Variants in AMBRA1 observed in about 807,000 individuals in gnomAD.
AMBRA1 encodes activating molecule in BECN1-regulated autophagy protein 1.
A neutral mutation model predicts 125.4 loss-of-function variants in AMBRA1; 47 were observed. That is an observed-to-expected ratio of 0.37 (90% CI 0.30 to 0.48). The LOEUF (loss-of-function observed/expected upper bound fraction) is 0.48. Ranked by LOEUF, AMBRA1 falls within the 20% of genes least tolerant of loss-of-function variation. The pLI, the probability that AMBRA1 is intolerant of heterozygous loss-of-function variation, is 0.99. For synonymous variants in AMBRA1, 626 were observed against 655.5 expected (o/e 0.95, Z 0.69); for missense variants, 1,331 against 1,693.4 (o/e 0.79, Z 3.76).
At chr11:46,545,475 G>A (rs560485027) in intron 5 of AMBRA1, 129 bp downstream of exon 5, 21 of 1,086,320 alleles carry the variant, frequency 1.9e-5, no homozygotes, top group African/African-American at 6.4e-5. Context: ...AAAAAAATAG[G>A]AGGAGCTATG....
At chr11:46,431,978 C>T (rs1180244992) in intron 14 of AMBRA1, among the ~76,000 whole-genome samples, 1 of 151,968 alleles carries the variant, frequency 6.6e-6, no homozygotes, top group Non-Finnish European at 1.5e-5. Context: ...GTTATGTTAC[C>T]CATCATTGGT....
chr11:46,517,595 G>A (rs1454162555), intron 7 of AMBRA1, among the ~76,000 whole-genome samples: 1 of 148,074 alleles, frequency 6.8e-6, no homozygotes, highest in Non-Finnish European at 1.5e-5. Flanking sequence ...AGCACTTTGG[G>A]AGGCTGAGGC....
chr11:46,477,298 T>A (rs572432643), intron 11 of AMBRA1, among the ~76,000 whole-genome samples: 1 of 150,830 alleles, frequency 6.6e-6, no homozygotes, highest in Admixed American at 6.6e-5. Flanking sequence ...TTAGGGAGAG[T>A]CTTTGTCTCT....
intron 8 of AMBRA1, among the ~76,000 whole-genome samples, chr11:46,512,087 C>T (rs1951280341): frequency 6.6e-6 from 1 of 152,164 alleles, no homozygotes; most frequent in African/African-American, 2.4e-5. Flanking sequence ...AACTCCTGAC[C>T]TCAAGTGATT....
intron 7 of AMBRA1, among the ~76,000 whole-genome samples, chr11:46,528,674 C>T (rs991229985): frequency 1.3e-5 from 2 of 152,086 alleles, no homozygotes; most frequent in Non-Finnish European, 2.9e-5. Context: ...GTTTCAGTCA[C>T]GCAAGATGAA....
rs1398502613 is a variant in AMBRA1 at position 46,507,496 on chromosome 11, AG to A, written c.2339+694del. ...TCCGTCTCAAAAAAAAAAAAAAAAA[AG>A]ATTGGCTAGCTTAAATTCTAGAGCC... On this transcript the variant is annotated intron_variant, in intron 9 of 17. Coordinates refer to ENST00000683756, the MANE Select transcript of AMBRA1 (RefSeq NM_001387011.1). Among the ~76,000 whole-genome samples the A allele has an allele frequency of 1.1e-4, 17 of 151,536 alleles. 1 individual carries two copies. Among genetic ancestry groups the A allele is most frequent in the African/African-American group, 3.9e-4 (16 of 41,344 alleles).
chr11:46,585,694 A>AAAAAAAAT (rs2044358103), intron 1 of AMBRA1, among the ~76,000 whole-genome samples: 1 of 50,204 alleles, frequency 2.0e-5, no homozygotes, highest in Non-Finnish European at 4.3e-5. Flanking sequence ...AAAAAAAAAA[A>AAAAAAAAT]AATATATATA....
chr11:46,487,911 C>G (rs896370631), intron 11 of AMBRA1, among the ~76,000 whole-genome samples: 17 of 152,080 alleles, frequency 1.1e-4, no homozygotes, highest in Admixed American at 1.0e-3. Flanking sequence ...TGCTTTCTAC[C>G]AGATACACAT....
intron 13 of AMBRA1, among the ~76,000 whole-genome samples, chr11:46,434,155 A>C (rs1947598882): frequency 6.6e-6 from 1 of 151,556 alleles, no homozygotes; most frequent in East Asian, 1.9e-4. Context: ...AGTACTTAAT[A>C]AATGCTAACC....
intron 9 of AMBRA1, among the ~76,000 whole-genome samples, chr11:46,506,268 C>T (rs1951031911): frequency 6.6e-6 from 1 of 152,196 alleles, no homozygotes; most frequent in Admixed American, 6.5e-5. Flanking sequence ...CAAGAGAGAA[C>T]CATGACCTCT....
chr11:46,524,110 C>G (rs184386444), intron 7 of AMBRA1, among the ~76,000 whole-genome samples: 1 of 152,284 alleles, frequency 6.6e-6, no homozygotes, highest in African/African-American at 2.4e-5. Context: ...TCGGGTGATC[C>G]GCCCACCTCG....
chr11:46,545,391 G>A (rs1313372964), intron 5 of AMBRA1, among the ~76,000 whole-genome samples: 1 of 151,938 alleles, frequency 6.6e-6, no homozygotes, highest in Non-Finnish European at 1.5e-5. Flanking sequence ...GAACCTAGGA[G>A]GCAGAGGTCG....
At chr11:46,451,642 T>G (rs1356339466) in intron 11 of AMBRA1, among the ~76,000 whole-genome samples, 1 of 151,926 alleles carries the variant, frequency 6.6e-6, no homozygotes, top group Non-Finnish European at 1.5e-5. Context: ...ATGATTAAAT[T>G]ACATTTCAGT....
chr11:46,540,856 T>C (rs577825975), intron 7 of AMBRA1, among the ~76,000 whole-genome samples: 1 of 152,348 alleles, frequency 6.6e-6, no homozygotes, highest in East Asian at 1.9e-4. Flanking sequence ...AGACCATGTA[T>C]TATACTTCTT....
intron 11 of AMBRA1, among the ~76,000 whole-genome samples, chr11:46,492,261 C>T (rs1950491151): frequency 6.6e-6 from 1 of 152,158 alleles, no homozygotes; most frequent in Non-Finnish European, 1.5e-5. Flanking sequence ...ACTGAGGTTT[C>T]TGGAATTTCT....
intron 9 of AMBRA1, among the ~76,000 whole-genome samples, chr11:46,500,090 C>T (rs910847016): frequency 5.9e-5 from 9 of 152,186 alleles, no homozygotes; most frequent in South Asian, 2.1e-4. Context: ...GGCTCAAGAT[C>T]AGATAATAAA....
intron 11 of AMBRA1, among the ~76,000 whole-genome samples, chr11:46,459,277 ACAAACCAAT>A (rs1948991215): frequency 6.6e-6 from 1 of 152,224 alleles, no homozygotes; most frequent in Non-Finnish European, 1.5e-5. Flanking sequence ...AAGACATGTT[ACAAACCAAT>A]CAAACTTTGG....
intron 1 of AMBRA1, among the ~76,000 whole-genome samples, chr11:46,593,521 G>A (rs1219613707): frequency 6.6e-6 from 1 of 152,116 alleles, no homozygotes; most frequent in Non-Finnish European, 1.5e-5. Flanking sequence ...AAGGAAGGAG[G>A]GTCAAAGTGC....
intron 9 of AMBRA1, among the ~76,000 whole-genome samples, chr11:46,502,997 C>A (rs1414041823): frequency 7.5e-6 from 1 of 133,532 alleles, no homozygotes; most frequent in Non-Finnish European, 1.5e-5. Flanking sequence ...GGAGGCGGAG[C>A]ATGCAGTGAG....
Sources: allele counts gnomAD v4.1 joint callset (sites outside exome capture counted in the v4.1 genomes callset), GRCh38; gene constraint gnomAD v4.1.1; transcripts MANE v1.5; gene names NCBI Gene and HGNC (gene_info 2026-07-23, HGNC 2026-07-21).